RAB1A: variants seen among roughly 807,000 people sequenced by gnomAD.
RAB1A encodes RAB1A, member RAS oncogene family.
Under a neutral mutation model 26.0 loss-of-function variants are expected in RAB1A, and 2 were observed. That is an observed-to-expected ratio of 0.08 (90% CI 0.03 to 0.24). The LOEUF is 0.24. Ranked by LOEUF, RAB1A falls within the 10% of genes least tolerant of loss-of-function variation. The pLI is 1.00. For missense variants in RAB1A, 100 were observed against 247.0 expected, an observed-to-expected ratio of 0.40 and a Z score of 3.99; for synonymous variants, 84 against 84.9, an observed-to-expected ratio of 0.99 and a Z score of 0.06.
chr2:65,106,331 T>C (rs764173828), intron 1 of RAB1A: 15 of 298,906 alleles, frequency 5.0e-5, no homozygotes, highest in African/African-American at 6.9e-5. Flanking sequence ...TTCAAAAATA[T>C]GCTAAAGTGA....
chr2:65,113,522 A>G (rs1159451493), intron 1 of RAB1A, among the ~76,000 whole-genome samples: 1 of 152,212 alleles, frequency 6.6e-6, no homozygotes, highest in Non-Finnish European at 1.5e-5. Context: ...CTAAATAAAT[A>G]AAATAAAAAA....
rs1553393533 is a variant in RAB1A at position 65,108,368 on chromosome 2, A to AGAAAG, written c.24-3563_24-3562insCTTTC. On this transcript the variant is annotated intron_variant, in intron 1 of 5. Transcript: ENST00000409784. ...CAAAACTCCATCTCAAAAAAAAAAA[A>AGAAAG]AAAGAAAGAAAGAAACATGAAGGTT... Among the ~76,000 whole-genome samples the AGAAAG allele has an allele frequency of 4.2e-5, 6 of 144,086 alleles. 1 individual carries two copies. Among genetic ancestry groups the AGAAAG allele is most frequent in the East Asian group, 4.0e-4 (2 of 4,964 alleles). 94.5% of individuals were successfully genotyped at this position (144,086 alleles called of 152,430 possible).
At chr2:65,104,894 C>A (rs1425243056) in intron 1 of RAB1A, 88 bp from the exon 2 acceptor site, 1 of 1,086,648 alleles carries the variant, frequency 9.2e-7, no homozygotes, top group Non-Finnish European at 1.4e-6. Context: ...CTACAAATAA[C>A]AACTCACTGT....
At position 65,088,797 on chromosome 2, in the gene RAB1A, C is replaced by T; in HGVS notation, c.421-107G>A. The T allele has an allele frequency of 3.8e-6, 5 of 1,308,608 alleles. No homozygotes were observed. In the East Asian group the frequency reaches 1.3e-4, roughly 33 times the overall value. 81.1% of individuals were successfully genotyped at this position (1,308,608 alleles called of 1,614,324 possible). On this transcript the variant is annotated intron_variant, in intron 5 of 5. Transcript: ENST00000409784. ...CGTGAGGAACTAAGTTCATTGGATC[C>T]AAACAGATGCTACACAAATTGTCAC...
intron 1 of RAB1A, among the ~76,000 whole-genome samples, chr2:65,114,663 G>A (rs866955827): frequency 1.3e-5 from 2 of 151,944 alleles, no homozygotes; most frequent in African/African-American, 4.8e-5. Context: ...CTAACAAGGT[G>A]AAACCCCGTC....
At chr2:65,090,897 T>C in intron 4 of RAB1A, 86 bp downstream of exon 4, 2 of 809,704 alleles carry the variant, frequency 2.5e-6, no homozygotes, top group Non-Finnish European at 3.7e-6. Flanking sequence ...TGATGGCTTA[T>C]ATATGAAGTA....
chr2:65,122,478 A>C (rs933203623), intron 1 of RAB1A, among the ~76,000 whole-genome samples: 8 of 151,954 alleles, frequency 5.3e-5, no homozygotes, highest in African/African-American at 1.9e-4. Flanking sequence ...GGATCACTGA[A>C]ACCCGGCTAG....
chr2:65,116,931 T>C (rs747810336), intron 1 of RAB1A, among the ~76,000 whole-genome samples: 4 of 152,176 alleles, frequency 2.6e-5, no homozygotes, highest in Non-Finnish European at 4.4e-5. Flanking sequence ...AGTCTCCAAG[T>C]TTAAATATAT....
chr2:65,096,325 AAAAC>A (rs927968415), intron 3 of RAB1A, among the ~76,000 whole-genome samples: 8 of 152,186 alleles, frequency 5.3e-5, no homozygotes, highest in Non-Finnish European at 7.3e-5. Context: ...AAAAAATAAA[AAAAC>A]AAACAAACAA....
intron 1 of RAB1A, among the ~76,000 whole-genome samples, chr2:65,123,125 T>C (rs1213298498): frequency 6.6e-6 from 1 of 151,658 alleles, no homozygotes; most frequent in East Asian, 1.9e-4. Flanking sequence ...AGCCAACAGA[T>C]TGCTATGGAA....
At chr2:65,105,812 G>T (rs1288302326) in intron 1 of RAB1A, among the ~76,000 whole-genome samples, 2 of 151,922 alleles carry the variant, frequency 1.3e-5, no homozygotes, top group African/African-American at 4.8e-5. Context: ...ACCCAGGCTG[G>T]AGTGCAGTGG....
chr2:65,111,543 T>C (rs1284241142), intron 1 of RAB1A, among the ~76,000 whole-genome samples: 2 of 152,158 alleles, frequency 1.3e-5, no homozygotes, highest in Non-Finnish European at 2.9e-5. Flanking sequence ...TATGGTATAC[T>C]GAATTAGATC....
intron 1 of RAB1A, chr2:65,114,207 A>G (rs868865186): frequency 7.7e-5 from 32 of 414,550 alleles, no homozygotes; most frequent in Middle Eastern, 7.4e-4. Context: ...CAAGGTTCAC[A>G]TGTCAATGAA....
At chr2:65,120,451 G>C (rs1248363676) in intron 1 of RAB1A, among the ~76,000 whole-genome samples, 11 of 88,708 alleles carry the variant, frequency 1.2e-4, no homozygotes, top group African/African-American at 6.1e-4. Context: ...GCGACACCTT[G>C]TCTCAAAAAA....
rs1011296711 is a variant in RAB1A at position 65,129,968 on chromosome 2, C to A, written c.-53G>T. The A allele has an allele frequency of 1.3e-6, 2 of 1,555,516 alleles. No homozygotes were observed. The highest frequency in any genetic ancestry group is 1.7e-6 in the Non-Finnish European group (2 of 1,147,288). ...GCCGCCCTTGCTGCCGCAGCCGCCG[C>A]CCTGACTCTCCGCGCCACGGGTAAT... On this transcript the variant is annotated 5_prime_UTR_variant, in exon 1 of 6. Transcript: ENST00000409784.
chr2:65,109,269 G>A (rs549166767), intron 1 of RAB1A, among the ~76,000 whole-genome samples: 42 of 152,136 alleles, frequency 2.8e-4, no homozygotes, highest in Non-Finnish European at 4.7e-4. Context: ...GGTACAAAGA[G>A]CCAAGACTAA....
chr2:65,126,252 T>G (rs1283436870), intron 1 of RAB1A, among the ~76,000 whole-genome samples: 1 of 151,536 alleles, frequency 6.6e-6, no homozygotes, highest in Non-Finnish European at 1.5e-5. Flanking sequence ...AGGCAGAGAT[T>G]GCAGTGAGCC....
chr2:65,125,347 A>G (rs1040479970), intron 1 of RAB1A, among the ~76,000 whole-genome samples: 12 of 152,080 alleles, frequency 7.9e-5, no homozygotes, highest in African/African-American at 2.9e-4. Context: ...TTGACACTAA[A>G]AAAATCCACT....
intron 1 of RAB1A, among the ~76,000 whole-genome samples, chr2:65,126,306 T>C (rs953899056): frequency 1.3e-5 from 2 of 150,062 alleles, no homozygotes; most frequent in African/African-American, 4.9e-5. Context: ...AGAGTGAGAC[T>C]CCATCTCGAA....
Sources: gnomAD v4.1 joint callset for allele counts (sites outside exome capture counted in the v4.1 genomes callset) on GRCh38, gnomAD v4.1.1 for gene constraint, MANE v1.5 for transcripts, NCBI Gene and HGNC (gene_info 2026-07-23, HGNC 2026-07-21) for gene names.